PSAT1: variants seen among roughly 807,000 people sequenced by gnomAD.
PSAT1 encodes the protein phosphoserine aminotransferase.
Under a neutral mutation model 40.3 loss-of-function variants are expected in PSAT1, and 41 were observed. The ratio of observed to expected loss-of-function variants is 1.02; its 90% CI spans 0.79 to 1.32. The LOEUF is 1.32. PSAT1 is among the 40% of genes most tolerant of loss of function. The pLI is 0.00. For synonymous variants in PSAT1, 147 were observed against 170.5 expected (o/e 0.86, Z 1.07); for missense variants, 406 against 455.8 (o/e 0.89, Z 0.99).
Position 78,306,421 on chromosome 9 carries a change from A to C in PSAT1, c.505A>C (p.Lys169Gln). The C allele has an allele frequency of 1.9e-6, 3 of 1,614,164 alleles. No individual in the cohort carries two copies. The highest frequency in any genetic ancestry group is 2.5e-6 in the Non-Finnish European group (3 of 1,180,034). Residue 169 changes from lysine (K) to glutamine (Q), a missense_variant, in exon 5 of 9, where the codon AAG becomes CAG. Physicochemically the swap from Lys to Gln is moderately conservative, Grantham distance 53. Transcript: ENST00000376588. Reference protein sequence around the residue: ...GVEFDFIPDVKGAVLVCDMSS... With the variant: ...GVEFDFIPDVQGAVLVCDMSS... ...GGAGTTTGACTTTATACCCGATGTC[A>C]AGGGAGCAGTACTGGTTTGTGACAT...
intron 6 of PSAT1, among the ~76,000 whole-genome samples, chr9:78,312,893 G>A (rs1227230426): frequency 1.3e-5 from 2 of 152,234 alleles, no homozygotes; most frequent in Non-Finnish European, 2.9e-5. Flanking sequence ...GCTCAACTCA[G>A]TGGCTACATT....
chr9:78,298,170 C>T (rs532434014), intron 1 of PSAT1: 1 of 335,636 alleles, frequency 3.0e-6, no homozygotes, highest in Non-Finnish European at 4.2e-6. Flanking sequence ...TCCCCTCCCC[C>T]GCCAAACCCA....
chr9:78,310,572 T>C (rs1209464212), intron 6 of PSAT1, among the ~76,000 whole-genome samples: 1 of 151,986 alleles, frequency 6.6e-6, no homozygotes, highest in East Asian at 1.9e-4. Context: ...CAGGTGCTGC[T>C]TAGGGAAAAT....
At chr9:78,326,955 A>ATATATATATATATATATTTTTTT in intron 7 of PSAT1, among the ~76,000 whole-genome samples, 7 of 75,928 alleles carry the variant, frequency 9.2e-5, no homozygotes, top group African/African-American at 6.6e-4. Context: ...ATATATATAT[A>ATATATATATATATATATTTTTTT]TTTTTTTTTT....
intron 2 of PSAT1, among the ~76,000 whole-genome samples, chr9:78,301,564 A>C (rs1317846484): frequency 6.6e-6 from 1 of 152,200 alleles, no homozygotes; most frequent in Non-Finnish European, 1.5e-5. Flanking sequence ...TTTGGGACAT[A>C]TACTTAGATT....
intron 6 of PSAT1, among the ~76,000 whole-genome samples, chr9:78,313,353 ACT>A (rs1172764820): frequency 6.6e-6 from 1 of 152,116 alleles, no homozygotes; most frequent in Non-Finnish European, 1.5e-5. Flanking sequence ...TGACAGCAAA[ACT>A]CTGCCTCAAA....
At chr9:78,307,936 G>T (rs1325446667) in intron 5 of PSAT1, among the ~76,000 whole-genome samples, 1 of 152,130 alleles carries the variant, frequency 6.6e-6, no homozygotes, top group Non-Finnish European at 1.5e-5. Flanking sequence ...CTACTCGGCA[G>T]GCTGAGGCAG....
At position 78,300,650 on chromosome 9, in the gene PSAT1, A is replaced by G. The variant is rs141408971; in HGVS notation, c.109A>G (p.Ile37Val). The G allele has an allele frequency of 6.3e-6, 10 of 1,597,556 alleles. No homozygotes were observed. The highest frequency in any genetic ancestry group is 8.5e-6 in the Non-Finnish European group (10 of 1,172,908). The change falls in exon 2 of 9, where the codon ATT becomes GTT. Residue 37 changes from isoleucine (I) to valine (V), a missense_variant. Physicochemically the swap from Ile to Val is conservative, Grantham distance 29. Coordinates refer to ENST00000376588, the MANE Select transcript of PSAT1 (RefSeq NM_058179.4). ...KELLDYKGVG[I>V]SVLEMSHRSS... is the part of the protein sequence containing the mutation. ...ATTATTAGACTACAAAGGAGTTGGC[A>G]TTAGTGTTCTTGGTAAGATTTACTT...
In PSAT1 at chr9:78,297,219, C is replaced by T. The variant is rs2118610369; in HGVS notation, c.9C>T (p.Ala3=). 1.2e-6 allele frequency: 2 copies of T among 1,602,100 alleles called. No individual in the cohort carries two copies. Among genetic ancestry groups the T allele is most frequent in the Non-Finnish European group, 8.5e-7 (1 of 1,178,214 alleles). The change falls in exon 1 of 9, where the codon GCC becomes GCT. Residue 3 remains alanine (A), a synonymous_variant. Coordinates refer to ENST00000376588, the MANE Select transcript of PSAT1 (RefSeq NM_058179.4). ...GCCCTGGCCGCCGCACCATGGACGC[C>T]CCCAGGCAGGTGGTCAACTTTGGGC... The part of the protein sequence containing the change: MD[A]PRQVVNFGPG...
In PSAT1 at chr9:78,319,934, A is replaced by G. The variant is rs190820694; in HGVS notation, c.869+2130A>G. Among the ~76,000 whole-genome samples, 386 of 152,124 alleles carry G rather than the reference A, an allele frequency of 2.5e-3. 1 individual carries two copies. Among genetic ancestry groups the G allele is most frequent in the African/African-American group, 8.7e-3 (360 of 41,496 alleles). On this transcript the variant is annotated intron_variant, in intron 7 of 8. Coordinates refer to ENST00000376588, the MANE Select transcript of PSAT1 (RefSeq NM_058179.4). ...AGTCCACCTATTTATTCATTCATTC[A>G]TCTACTCACCCACCCATCCACCCAC...
chr9:78,312,247 A>T (rs1248940986), intron 6 of PSAT1, among the ~76,000 whole-genome samples: 3 of 152,184 alleles, frequency 2.0e-5, no homozygotes, highest in Non-Finnish European at 4.4e-5. Flanking sequence ...AGAGAAAAAG[A>T]TCCCTAAACT....
At chr9:78,326,434 C>A (rs531763244) in intron 7 of PSAT1, among the ~76,000 whole-genome samples, 1 of 151,998 alleles carries the variant, frequency 6.6e-6, no homozygotes, top group Non-Finnish European at 1.5e-5. Flanking sequence ...AAGTCAAACA[C>A]GAACCTTTCC....
intron 3 of PSAT1, among the ~76,000 whole-genome samples, chr9:78,303,763 C>A (rs993591526): frequency 1.3e-5 from 2 of 152,170 alleles, no homozygotes; most frequent in Non-Finnish European, 2.9e-5. Context: ...CAAGACCCTG[C>A]CACATTGCCC....
At chr9:78,305,340 C>A (rs1191680976) in intron 4 of PSAT1, among the ~76,000 whole-genome samples, 1 of 152,210 alleles carries the variant, frequency 6.6e-6, no homozygotes, top group Non-Finnish European at 1.5e-5. Context: ...CTTTTGAACT[C>A]CTGACCTCAG....
intron 6 of PSAT1, among the ~76,000 whole-genome samples, chr9:78,310,198 A>G (rs1828246196): frequency 6.6e-6 from 1 of 151,988 alleles, no homozygotes; most frequent in African/African-American, 2.4e-5. Flanking sequence ...CCTCCCAACT[A>G]CCCTAGTAGG....
intron 2 of PSAT1, among the ~76,000 whole-genome samples, chr9:78,301,018 T>A (rs1311577948): frequency 6.6e-6 from 1 of 152,152 alleles, no homozygotes; most frequent in African/African-American, 2.4e-5. Flanking sequence ...GATTACAGGC[T>A]TGAGCCACTG....
chr9:78,304,404 T>C (rs1403431593), intron 3 of PSAT1, among the ~76,000 whole-genome samples: 1 of 152,214 alleles, frequency 6.6e-6, no homozygotes, highest in Non-Finnish European at 1.5e-5. Context: ...CTCATCCCCT[T>C]GAGCCAGGGT....
At chr9:78,307,745 T>G (rs1057210063) in intron 5 of PSAT1, among the ~76,000 whole-genome samples, 26 of 151,236 alleles carry the variant, frequency 1.7e-4, no homozygotes, top group African/African-American at 6.4e-4. Context: ...GTAAATAGAT[T>G]AAAAAATCTG....
chr9:78,306,889 G>A (rs574818433), intron 5 of PSAT1, among the ~76,000 whole-genome samples: 1 of 152,202 alleles, frequency 6.6e-6, no homozygotes, highest in Non-Finnish European at 1.5e-5. Context: ...ACAGGATACC[G>A]TTTTATGAGT....
Sources: allele counts gnomAD v4.1 joint callset (sites outside exome capture counted in the v4.1 genomes callset), GRCh38; gene constraint gnomAD v4.1.1; transcripts MANE v1.5; gene names NCBI Gene and HGNC (gene_info 2026-07-23, HGNC 2026-07-21).